Variants in SEZ6L observed in about 807,000 individuals in gnomAD.
SEZ6L encodes seizure related 6 homolog like.
A neutral mutation model predicts 106.2 loss-of-function variants in SEZ6L; 37 were observed. The ratio of observed to expected loss-of-function variants is 0.35; its 90% CI spans 0.27 to 0.46. SEZ6L has a LOEUF of 0.46. Among genes scored for constraint, SEZ6L ranks in the 20% least tolerant of loss-of-function variants. SEZ6L has a pLI of 1.00. For missense variants in SEZ6L, 1,172 were observed against 1,332.8 expected (o/e 0.88, Z 1.88); for synonymous variants, 541 against 570.4 (o/e 0.95, Z 0.73).
Position 26,300,747 on chromosome 22 carries a change from T to C in SEZ6L, c.1348+1578T>C, listed in dbSNP as rs570913390. On this transcript the variant is annotated intron_variant, in intron 5 of 16. Transcript: ENST00000248933. The stretch of plus-strand genomic sequence containing the variant: ...ATCGCCACACTGACTTCCACAATGG[T>C]TGAACTAGTTTACAGTCCCACCAAC... Among the ~76,000 whole-genome samples, 3 of 152,252 alleles carry C rather than the reference T, an allele frequency of 2.0e-5. No homozygotes were observed. The South Asian group carries it at 6.2e-4, about 31-fold the overall frequency.
At chr22:26,346,751 C>T (rs2083020323) in intron 10 of SEZ6L, among the ~76,000 whole-genome samples, 1 of 152,220 alleles carries the variant, frequency 6.6e-6, no homozygotes, top group Non-Finnish European at 1.5e-5. Context: ...GCTGCTTGAG[C>T]ATCCTCACAA....
At chr22:26,380,165 C>T in intron 16 of SEZ6L, 101 bp from the exon 17 acceptor site, 1 of 1,149,836 alleles carries the variant, frequency 8.7e-7, no homozygotes, top group Non-Finnish European at 1.3e-6. Context: ...AAAGTCACGA[C>T]CAAGGGCATG....
intron 9 of SEZ6L, among the ~76,000 whole-genome samples, chr22:26,334,217 A>G (rs1210170256): frequency 2.0e-5 from 3 of 152,210 alleles, no homozygotes; most frequent in Non-Finnish European, 4.4e-5. Flanking sequence ...ACTTGTATCT[A>G]GTGCCAAAAC....
At chr22:26,342,429 C>G (rs541580158) in intron 10 of SEZ6L, among the ~76,000 whole-genome samples, 2 of 152,222 alleles carry the variant, frequency 1.3e-5, no homozygotes, top group South Asian at 4.2e-4. Context: ...GTGGCTCATG[C>G]CTGTAATCCT....
intron 1 of SEZ6L, among the ~76,000 whole-genome samples, chr22:26,220,195 A>G (rs1347263374): frequency 1.3e-5 from 2 of 152,192 alleles, no homozygotes; most frequent in African/African-American, 4.8e-5. Flanking sequence ...CAGATGCCAT[A>G]TCTGCAAAAT....
intron 13 of SEZ6L, among the ~76,000 whole-genome samples, chr22:26,370,062 G>A (rs1449079825): frequency 6.6e-6 from 1 of 152,136 alleles, no homozygotes; most frequent in Non-Finnish European, 1.5e-5. Flanking sequence ...GTTTTCTGCA[G>A]GGAAGAAAAA....
rs2078830789 is a variant in SEZ6L at position 26,232,426 on chromosome 22, G to GTGTATTCAAA, written c.95-59976_95-59967dup. ...GCCCAAACTCTGGAAACAGACAGAC[G>GTGTATTCAAA]TGTATTCAAATGTCAACCTTACCTG... On this transcript the variant is annotated intron_variant, in intron 1 of 16. Coordinates refer to ENST00000248933, the MANE Select transcript of SEZ6L (RefSeq NM_021115.5). 2.0e-5 allele frequency among the ~76,000 whole-genome samples: 3 copies of GTGTATTCAAA among 148,822 alleles called. No individual in the cohort carries two copies. In the Admixed American group the frequency reaches 2.0e-4, roughly 10 times the overall value.
chr22:26,313,648 C>T (rs2081912806), intron 8 of SEZ6L, 116 bp from the exon 9 acceptor site: 4 of 1,250,014 alleles, frequency 3.2e-6, no homozygotes, highest in Non-Finnish European at 4.5e-6. Context: ...AGACACCTGT[C>T]CACAGTACAC....
intron 1 of SEZ6L, among the ~76,000 whole-genome samples, chr22:26,278,748 A>C (rs2080639780): frequency 6.6e-6 from 1 of 151,990 alleles, no homozygotes; most frequent in Non-Finnish European, 1.5e-5. Context: ...TTTTTTAAAA[A>C]AGAAAAGAAG....
intron 1 of SEZ6L, among the ~76,000 whole-genome samples, chr22:26,262,148 A>G (rs2080028431): frequency 6.7e-6 from 1 of 149,918 alleles, no homozygotes; most frequent in African/African-American, 2.4e-5. Context: ...TAATGGGAAT[A>G]TATATATATA....
intron 12 of SEZ6L, among the ~76,000 whole-genome samples, chr22:26,352,799 G>C (rs9613162): frequency 0.45 from 68,168 of 152,046 alleles, 16,494 homozygotes; most frequent in African/African-American, 0.62. Context: ...TCTGTTGCCT[G>C]TCGTTGAAGA....
intron 1 of SEZ6L, among the ~76,000 whole-genome samples, chr22:26,226,195 T>C (rs9608471): frequency 0.29 from 44,613 of 152,138 alleles, 7,024 homozygotes; most frequent in Middle Eastern, 0.4. Context: ...CATAGAGATC[T>C]TTTCAAAACA....
At position 26,292,475 on chromosome 22, in the gene SEZ6L, G is replaced by A. The variant is rs2081159816; in HGVS notation, c.164G>A (p.Gly55Asp). 1.9e-6 allele frequency: 3 copies of A among 1,613,930 alleles called. No homozygotes were observed. The highest frequency in any genetic ancestry group is 2.5e-6 in the Non-Finnish European group (3 of 1,179,942). ...YLLPSGAPERGSPGKEHPEER... is the reference protein window; with the variant it reads ...YLLPSGAPERDSPGKEHPEER... ...CTGCCCTCAGGAGCCCCGGAGAGAG[G>A]CAGTCCTGGCAAAGAGCACCCTGAA... is the stretch of plus-strand genomic sequence containing the variant. Residue 55 changes from glycine (G) to aspartate (D), a missense_variant, in exon 2 of 17, where the codon GGC becomes GAC. Coordinates refer to ENST00000248933, the MANE Select transcript of SEZ6L (RefSeq NM_021115.5).
chr22:26,382,551 T>G lies in SEZ6L; in HGVS notation c.*2256T>G, dbSNP rs2084442037. The G allele has an allele frequency of 6.5e-6, 1 of 152,828 alleles. No individual in the cohort carries two copies. Among genetic ancestry groups the G allele is most frequent in the Non-Finnish European group, 1.5e-5 (1 of 68,520 alleles). The allele number at this position is 152,828 out of a possible 1,614,324, so 9.5% of individuals were successfully genotyped here. On this transcript the variant is annotated 3_prime_UTR_variant, in exon 17 of 17. Coordinates refer to ENST00000248933, the MANE Select transcript of SEZ6L (RefSeq NM_021115.5). ...TTTTGTTGTTGTTGTCATTGTTGTT[T>G]TTTTCAGAAGACCAGTGTCTCAGTT... is the stretch of plus-strand genomic sequence containing the variant.
At position 26,292,496 on chromosome 22, in the gene SEZ6L, C is replaced by T; in HGVS notation, c.185C>T (p.Pro62Leu). The T allele has an allele frequency of 6.2e-7, 1 of 1,613,978 alleles. No individual in the cohort carries two copies. Among genetic ancestry groups the T allele is most frequent in the Non-Finnish European group, 8.5e-7 (1 of 1,179,942 alleles). ...AGAGGCAGTCCTGGCAAAGAGCACCCTGAAGAGAGAGTGGTAACAGCGCCC... is the reference window on the plus strand; with the variant it reads ...AGAGGCAGTCCTGGCAAAGAGCACCTTGAAGAGAGAGTGGTAACAGCGCCC... ...PERGSPGKEH[P>L]EERVVTAPPS... Residue 62 changes from proline to leucine, a missense_variant, in exon 2 of 17, where the codon CCT becomes CTT. Pro to Leu is a moderately conservative substitution (Grantham distance 98). Coordinates refer to ENST00000248933, the MANE Select transcript of SEZ6L (RefSeq NM_021115.5).
chr22:26,225,779 G>C (rs2078617925), intron 1 of SEZ6L, among the ~76,000 whole-genome samples: 1 of 152,180 alleles, frequency 6.6e-6, no homozygotes, highest in Non-Finnish European at 1.5e-5. Context: ...GGAAGGTGAA[G>C]GAGTTTGCAA....
At chr22:26,361,702 A>G (rs950308558) in intron 12 of SEZ6L, among the ~76,000 whole-genome samples, 1 of 152,078 alleles carries the variant, frequency 6.6e-6, no homozygotes, top group African/African-American at 2.4e-5. Flanking sequence ...CATTTTAAAG[A>G]TGAGGAAACT....
chr22:26,259,025 A>G (rs939022570), intron 1 of SEZ6L, among the ~76,000 whole-genome samples: 19 of 152,174 alleles, frequency 1.2e-4, no homozygotes, highest in African/African-American at 4.3e-4. Flanking sequence ...GCCAGTGGGC[A>G]TGGCCCAATG....
At chr22:26,271,466 G>A (rs1404945728) in intron 1 of SEZ6L, among the ~76,000 whole-genome samples, 1 of 152,206 alleles carries the variant, frequency 6.6e-6, no homozygotes, top group Non-Finnish European at 1.5e-5. Flanking sequence ...GTTGAAATGT[G>A]ATCCCCAGTG....
Sources: gnomAD v4.1 joint callset for allele counts (sites outside exome capture counted in the v4.1 genomes callset) on GRCh38, gnomAD v4.1.1 for gene constraint, MANE v1.5 for transcripts, NCBI Gene and HGNC (gene_info 2026-07-23, HGNC 2026-07-21) for gene names.